The following LARP1B variants were observed in gnomAD, a reference collection of about 807,000 sequenced individuals.
LARP1B encodes the protein la-related protein 1B.
LARP1B carries 76 observed loss-of-function variants against 114.2 expected under a neutral mutation model. The ratio of observed to expected loss-of-function variants is 0.67; its 90% CI spans 0.55 to 0.81. The LOEUF (loss-of-function observed/expected upper bound fraction) is 0.81. Ranked by LOEUF, LARP1B falls within the 30% of genes least tolerant of loss-of-function variation. The probability of loss-of-function intolerance (pLI) is 0.00; values close to 1 mark genes in which losing one functional copy is unlikely to be tolerated. For missense variants in LARP1B, 1,014 were observed against 1,075.8 expected (o/e 0.94, Z 0.80); for synonymous variants, 345 against 348.0 (o/e 0.99, Z 0.10).
intron 10 of LARP1B, among the ~76,000 whole-genome samples, chr4:128,115,807 C>T (rs1785594831): frequency 6.6e-6 from 1 of 152,130 alleles, no homozygotes; most frequent in African/African-American, 2.4e-5. Context: ...AGGGTCACTC[C>T]ACCATGCCCA....
intron 11 of LARP1B, chr4:128,123,801 A>G: frequency 3.8e-6 from 2 of 531,574 alleles, no homozygotes; most frequent in Non-Finnish European, 4.8e-6. Context: ...CTTGAGAAAC[A>G]TCCTATTTGT....
rs1264885283 is a variant in LARP1B at position 128,075,032 on chromosome 4, A to C, written c.42+39A>C. The C allele has an allele frequency of 2.3e-6, 3 of 1,287,762 alleles. No homozygotes were observed. In the East Asian group the frequency reaches 6.9e-5, roughly 30 times the overall value. 79.8% of individuals were successfully genotyped at this position (1,287,762 alleles called of 1,614,324 possible). A position where few individuals can be genotyped will look rare whatever the true frequency, so the allele number is the denominator to read the frequency against. On this transcript the variant is annotated intron_variant, in intron 3 of 19. Coordinates refer to ENST00000326639, the MANE Select transcript of LARP1B (RefSeq NM_018078.4). ...TAAAGTTTTTTTTTTTAAAGAAAGG[A>C]AAATGTATTCATTTCGACATGCAGA...
At chr4:128,094,834 C>T (rs951291041) in intron 7 of LARP1B, among the ~76,000 whole-genome samples, 5 of 152,030 alleles carry the variant, frequency 3.3e-5, no homozygotes, top group Non-Finnish European at 7.4e-5. Flanking sequence ...TCACTGCAAC[C>T]TCCGCCTCCC....
chr4:128,160,011 C>A (rs563289225), intron 11 of LARP1B, among the ~76,000 whole-genome samples: 1 of 152,304 alleles, frequency 6.6e-6, no homozygotes, highest in Non-Finnish European at 1.5e-5. Flanking sequence ...GCAGTGTATT[C>A]ATATGGTAGG....
intron 11 of LARP1B, among the ~76,000 whole-genome samples, chr4:128,138,626 T>C (rs1726509687): frequency 6.6e-6 from 1 of 152,072 alleles, no homozygotes; most frequent in Non-Finnish European, 1.5e-5. Flanking sequence ...TTAGAATTCA[T>C]GAGAACGTGA....
At chr4:128,098,747 G>GTGTGTGTGTA in intron 8 of LARP1B, among the ~76,000 whole-genome samples, 2 of 15,586 alleles carry the variant, frequency 1.3e-4, no homozygotes, top group African/African-American at 1.9e-4. Context: ...ATATGTATGT[G>GTGTGTGTGTA]TATATATATA....
chr4:128,105,813 C>T (rs1030958969), intron 8 of LARP1B, among the ~76,000 whole-genome samples: 1 of 152,110 alleles, frequency 6.6e-6, no homozygotes, highest in African/African-American at 2.4e-5. Context: ...ATTGCTTGAA[C>T]TTGGGAGGCG....
intron 1 of LARP1B, chr4:128,062,052 A>C: frequency 1.0e-6 from 1 of 985,212 alleles, no homozygotes; most frequent in Non-Finnish European, 1.2e-6. Context: ...TTGCTGCGGG[A>C]TCCGCCGGCC....
chr4:128,140,076 A>C (rs1016142274), intron 11 of LARP1B, among the ~76,000 whole-genome samples: 1 of 152,214 alleles, frequency 6.6e-6, no homozygotes, highest in Non-Finnish European at 1.5e-5. Flanking sequence ...AGGAATATAA[A>C]ATATCTCAAA....
chr4:128,163,335 A>G (rs1420145455), intron 12 of LARP1B, among the ~76,000 whole-genome samples: 2 of 152,108 alleles, frequency 1.3e-5, no homozygotes, highest in Non-Finnish European at 2.9e-5. Flanking sequence ...CAGCATAGAG[A>G]CTTGATTAGA....
chr4:128,103,947 C>T (rs915896937), intron 8 of LARP1B, among the ~76,000 whole-genome samples: 98 of 151,598 alleles, frequency 6.5e-4, no homozygotes, highest in African/African-American at 2.3e-3. Flanking sequence ...TTTCATCCCA[C>T]AAGTTTTTCT....
chr4:128,103,808 C>T (rs1184133040), intron 8 of LARP1B, among the ~76,000 whole-genome samples: 13 of 152,042 alleles, frequency 8.6e-5, no homozygotes, highest in East Asian at 1.9e-4. Flanking sequence ...GTGATCCGCC[C>T]GTCTCGGCCT....
At chr4:128,123,650 A>C (rs1203320998) in intron 11 of LARP1B, 1 of 693,736 alleles carries the variant, frequency 1.4e-6, no homozygotes, top group African/African-American at 1.9e-5. Context: ...TCTGGCACAA[A>C]GAAATGTTCA....
chr4:128,135,843 A>G (rs560786677), intron 11 of LARP1B, among the ~76,000 whole-genome samples: 14 of 152,166 alleles, frequency 9.2e-5, no homozygotes, highest in African/African-American at 1.9e-4. Context: ...TTGGAGATCT[A>G]TTGCACAGCA....
intron 6 of LARP1B, among the ~76,000 whole-genome samples, chr4:128,217,017 C>T (rs1759551659): frequency 6.6e-6 from 1 of 151,284 alleles, no homozygotes; most frequent in Admixed American, 6.6e-5. Flanking sequence ...ACAAACAACT[C>T]TACGCAAATA....
At chr4:128,096,272 C>T (rs1320335444) in intron 7 of LARP1B, among the ~76,000 whole-genome samples, 2 of 152,266 alleles carry the variant, frequency 1.3e-5, no homozygotes, top group African/African-American at 4.8e-5. Flanking sequence ...GGATTACAGG[C>T]GTGAGCCACC....
At position 128,134,442 on chromosome 4, in the gene LARP1B, T is replaced by C. The variant is rs1488608117; in HGVS notation, c.1524+12254T>C. Among the ~76,000 whole-genome samples, 5 of 152,254 alleles carry C rather than the reference T, an allele frequency of 3.3e-5. No individual in the cohort carries two copies. The East Asian group carries it at 9.6e-4, about 29-fold the overall frequency. ...CTTTACCTTATACCATAAATGAAGA[T>C]TAATTAACCTAGATTAAAGACTTAA... On this transcript the variant is annotated intron_variant, in intron 11 of 19. Coordinates refer to ENST00000326639, the MANE Select transcript of LARP1B (RefSeq NM_018078.4).
intron 9 of LARP1B, among the ~76,000 whole-genome samples, chr4:128,113,672 T>G (rs1356790221): frequency 6.6e-6 from 1 of 151,868 alleles, no homozygotes; most frequent in Non-Finnish European, 1.5e-5. Flanking sequence ...TGATTAAAAA[T>G]AAACCTACAG....
chr4:128,062,144 A>G (rs1760387138), intron 1 of LARP1B: 2 of 985,212 alleles, frequency 2.0e-6, no homozygotes, highest in Admixed American at 6.1e-5. Context: ...AAATCCCTGG[A>G]CCAAAAAGCC....
Sources: allele counts gnomAD v4.1 joint callset (sites outside exome capture counted in the v4.1 genomes callset), GRCh38; gene constraint gnomAD v4.1.1; transcripts MANE v1.5; gene names NCBI Gene and HGNC (gene_info 2026-07-23, HGNC 2026-07-21).